JADE3: variants seen among roughly 807,000 people sequenced by gnomAD.
JADE3 encodes jade family PHD finger 3, also known as protein Jade-3.
In JADE3, 2 loss-of-function variants were observed where a neutral mutation model predicts 50.1. The ratio of observed to expected loss-of-function variants is 0.04; its 90% CI spans 0.02 to 0.13. The LOEUF (loss-of-function observed/expected upper bound fraction) is 0.13. Among genes scored for constraint, JADE3 ranks in the 10% least tolerant of loss-of-function variants. JADE3 has a pLI of 1.00. For missense variants in JADE3, 475 were observed against 634.4 expected (o/e 0.75, Z 2.70); for synonymous variants, 218 against 232.9 (o/e 0.94, Z 0.58).
intron 1 of JADE3, among the ~76,000 whole-genome samples, chrX:46,914,039 T>C (rs1926028739): frequency 8.9e-6 from 1 of 111,773 alleles, no homozygotes; most frequent in African/African-American, 3.3e-5. Context: ...ATTCCCTGTG[T>C]TCAGTCTGAT....
At chrX:47,024,947 T>G in intron 5 of JADE3, 33 bp downstream of exon 5, 1 of 862,842 alleles carries the variant, frequency 1.2e-6, no homozygotes, top group Non-Finnish European at 1.6e-6. Flanking sequence ...AGTTGTGACT[T>G]AATTCATGTT....
At chrX:46,985,017 A>G (rs1290806792) in intron 2 of JADE3, 77 bp downstream of exon 2, 2 of 824,172 alleles carry the variant, frequency 2.4e-6, no homozygotes, top group Admixed American at 2.4e-5. Context: ...TTGAGGATAA[A>G]CCATTTCATG....
chrX:47,001,202 A>G (rs1237285729), intron 4 of JADE3, among the ~76,000 whole-genome samples: 2 of 111,527 alleles, frequency 1.8e-5, no homozygotes, highest in African/African-American at 3.3e-5. Context: ...AGCCTTTCCT[A>G]TGGAACAGTA....
At chrX:46,956,366 C>T (rs1274342014) in intron 1 of JADE3, among the ~76,000 whole-genome samples, 2 of 112,414 alleles carry the variant, frequency 1.8e-5, no homozygotes, top group African/African-American at 6.5e-5. Flanking sequence ...GCTTGGCCCC[C>T]GTGGCCTTTT....
intron 4 of JADE3, among the ~76,000 whole-genome samples, chrX:47,004,896 A>G (rs1441201670): frequency 8.9e-6 from 1 of 112,571 alleles, no homozygotes; most frequent in Non-Finnish European, 1.9e-5. Flanking sequence ...TCATTTTAAA[A>G]TTCAATCTTG....
intron 1 of JADE3, among the ~76,000 whole-genome samples, chrX:46,958,850 A>G (rs782165793): frequency 8.9e-6 from 1 of 111,939 alleles, no homozygotes; most frequent in East Asian, 2.8e-4. Context: ...TTCCACAAAT[A>G]AAGTAGTTTT....
intron 8 of JADE3, among the ~76,000 whole-genome samples, chrX:47,046,655 A>G (rs782738823): frequency 3.6e-4 from 41 of 112,552 alleles, no homozygotes; most frequent in Admixed American, 3.6e-3. Flanking sequence ...CACCAAATTT[A>G]ACAATACTTT....
Position 47,059,259 on chromosome X carries a change from A to G in JADE3, c.*182A>G. On this transcript the variant is annotated 3_prime_UTR_variant, in exon 11 of 11. Coordinates refer to ENST00000614628, the MANE Select transcript of JADE3 (RefSeq NM_014735.5). ...CAAGTCTAGTTTTTACAAGCACATT[A>G]CAGTAATTGCAGGTTGTCCAGAGGT... is the stretch of plus-strand genomic sequence containing the variant. 1 of 416,039 alleles carries G rather than the reference A, an allele frequency of 2.4e-6. No homozygotes were observed. The highest frequency in any genetic ancestry group is 5.0e-5 in the South Asian group (1 of 19,978). 34.3% of individuals were successfully genotyped at this position (416,039 alleles called of 1,213,427 possible). A position where few individuals can be genotyped will look rare whatever the true frequency, so the allele number is the denominator to read the frequency against.
At chrX:46,936,662 GTTAT>G (rs1451503295) in intron 1 of JADE3, among the ~76,000 whole-genome samples, 1 of 111,265 alleles carries the variant, frequency 9.0e-6, no homozygotes, top group African/African-American at 3.3e-5. Context: ...GAGTATTCAG[GTTAT>G]TTATTTTATT....
At chrX:46,956,177 G>A (rs782097967) in intron 1 of JADE3, among the ~76,000 whole-genome samples, 31 of 111,311 alleles carry the variant, frequency 2.8e-4, no homozygotes, top group African/African-American at 8.5e-4. Context: ...TGATTCTCCT[G>A]CCTCAGCCTC....
chrX:46,966,398 A>G (rs935717827), intron 1 of JADE3, among the ~76,000 whole-genome samples: 6 of 110,055 alleles, frequency 5.5e-5, no homozygotes, highest in African/African-American at 2.0e-4. Context: ...TTTCCTTTCT[A>G]TCTCCAGCTC....
Position 47,027,729 on chromosome X carries a change from A to C in JADE3, c.476-163A>C, listed in dbSNP as rs782676938. 4.5e-5 allele frequency among the ~76,000 whole-genome samples: 5 copies of C among 112,176 alleles called. No homozygotes were observed. The East Asian group carries it at 1.4e-3, about 31-fold the overall frequency. On this transcript the variant is annotated intron_variant, in intron 5 of 10. Coordinates refer to ENST00000614628, the MANE Select transcript of JADE3 (RefSeq NM_014735.5). ...ATATATGATTATAGGTAAATGTTAGAGTAGCACTAGCAAAAGATTTTTTGA... is the reference window on the plus strand; with the variant it reads ...ATATATGATTATAGGTAAATGTTAGCGTAGCACTAGCAAAAGATTTTTTGA...
intron 1 of JADE3, among the ~76,000 whole-genome samples, chrX:46,975,580 A>G (rs1927596680): frequency 9.0e-6 from 1 of 111,000 alleles, no homozygotes; most frequent in African/African-American, 3.3e-5. Context: ...GAAATACCAT[A>G]ATATTAATGT....
At chrX:46,923,198 G>A (rs1926262874) in intron 1 of JADE3, among the ~76,000 whole-genome samples, 1 of 107,459 alleles carries the variant, frequency 9.3e-6, no homozygotes, top group Admixed American at 1.0e-4. Flanking sequence ...ATCTTTTGTA[G>A]AGATGGGGTT....
chrX:46,974,822 A>G (rs1927574972), intron 1 of JADE3, among the ~76,000 whole-genome samples: 1 of 112,322 alleles, frequency 8.9e-6, no homozygotes. Context: ...GATCATTTCT[A>G]CACTCTTCTT....
chrX:46,979,544 A>G (rs976779362), intron 1 of JADE3, among the ~76,000 whole-genome samples: 2 of 112,085 alleles, frequency 1.8e-5, no homozygotes, highest in South Asian at 3.7e-4. Context: ...CAGTGGGAAC[A>G]TAAACTTTCA....
chrX:47,035,611 T>C (rs1352293052), intron 7 of JADE3, among the ~76,000 whole-genome samples: 1 of 111,411 alleles, frequency 9.0e-6, no homozygotes, highest in Non-Finnish European at 1.9e-5. Flanking sequence ...TCTTATGATT[T>C]CTAGTTCTTG....
At chrX:47,004,709 G>C (rs1433846786) in intron 4 of JADE3, among the ~76,000 whole-genome samples, 1 of 112,549 alleles carries the variant, frequency 8.9e-6, no homozygotes, top group African/African-American at 3.2e-5. Context: ...TTGGGATTAC[G>C]GGCGTGAGCC....
chrX:46,959,707 C>A (rs1326900028), intron 1 of JADE3, among the ~76,000 whole-genome samples: 1 of 109,340 alleles, frequency 9.1e-6, no homozygotes, highest in Non-Finnish European at 1.9e-5. Flanking sequence ...GATGAGCAGT[C>A]CAGAGTAGGG....
Sources: allele counts gnomAD v4.1 joint callset (sites outside exome capture counted in the v4.1 genomes callset), GRCh38; gene constraint gnomAD v4.1.1; transcripts MANE v1.5; gene names NCBI Gene and HGNC (gene_info 2026-07-23, HGNC 2026-07-21).